MED10: variants seen among roughly 807,000 people sequenced by gnomAD.
MED10 encodes the protein mediator complex subunit 10.
In MED10, 9 loss-of-function variants were observed where a neutral mutation model predicts 17.2. That is an observed-to-expected ratio of 0.52 (90% CI 0.31 to 0.91). The LOEUF is 0.91. Ranked by LOEUF, MED10 falls within the 40% of genes least tolerant of loss-of-function variation. The probability of loss-of-function intolerance (pLI) is 0.04; values close to 1 mark genes in which losing one functional copy is unlikely to be tolerated. For synonymous variants in MED10, 66 were observed against 59.8 expected (o/e 1.10, Z -0.48); for missense variants, 129 against 164.8 (o/e 0.78, Z 1.19).
In MED10 at chr5:6,372,170, G is replaced by A. The variant is rs141192600; in HGVS notation, c.*333C>T. 166 of 238,046 alleles carry A rather than the reference G, an allele frequency of 7.0e-4. No individual in the cohort carries two copies. Among genetic ancestry groups the A allele is most frequent in the African/African-American group, 3.6e-3 (162 of 44,754 alleles). The allele number at this position is 238,046 out of a possible 1,614,324, so 14.7% of individuals were successfully genotyped here. A position where few individuals can be genotyped will look rare whatever the true frequency, so the allele number is the denominator to read the frequency against. On this transcript the variant is annotated 3_prime_UTR_variant, in exon 4 of 4. Coordinates refer to ENST00000255764, the MANE Select transcript of MED10 (RefSeq NM_032286.3). Reference sequence around the variant, plus strand: ...AAAGAAAAATATTAGGTAGAATGTTGTAAAACTTTTAATTTACCCATCATA... The same window carrying A: ...AAAGAAAAATATTAGGTAGAATGTTATAAAACTTTTAATTTACCCATCATA...
intron 1 of MED10, 101 bp downstream of exon 1, chr5:6,378,261 G>C (rs1443173149): frequency 1.4e-6 from 2 of 1,407,082 alleles, no homozygotes; most frequent in African/African-American, 1.4e-5. Flanking sequence ...GGCACGAGTA[G>C]CGGTCAGGCT....
chr5:6,375,884 C>T (rs1372751008), intron 2 of MED10, among the ~76,000 whole-genome samples: 1 of 152,238 alleles, frequency 6.6e-6, no homozygotes, highest in African/African-American at 2.4e-5. Context: ...CATCCATCCC[C>T]GTGCCCAGCA....
At chr5:6,377,886 C>T (rs1738033080) in intron 1 of MED10, among the ~76,000 whole-genome samples, 1 of 152,250 alleles carries the variant, frequency 6.6e-6, no homozygotes, top group African/African-American at 2.4e-5. Context: ...ACCACCTCCC[C>T]GCTATTTCCT....
intron 1 of MED10, among the ~76,000 whole-genome samples, chr5:6,377,860 T>C (rs10052685): frequency 0.26 from 38,939 of 152,172 alleles, 5,164 homozygotes; most frequent in East Asian, 0.38. Context: ...ATAAACGTTC[T>C]GCAACCTTTC....
intron 3 of MED10, among the ~76,000 whole-genome samples, chr5:6,373,865 T>A (rs79789708): frequency 0.024 from 3,715 of 152,276 alleles, 162 homozygotes; most frequent in African/African-American, 0.085. Context: ...AAAGAAAAAC[T>A]AAGTGATCTG....
rs1385215122 is a variant in MED10, at chr5:6,378,198, A to C, written c.122+164T>G. Among the ~76,000 whole-genome samples, 1 of 151,822 alleles carries C rather than the reference A, an allele frequency of 6.6e-6. No individual in the cohort carries two copies. The highest frequency in any genetic ancestry group is 2.1e-4 in the South Asian group (1 of 4,802). On this transcript the variant is annotated intron_variant, in intron 1 of 3. Transcript: ENST00000255764. ...CTGGAGCGCGGGCCCCGCCCTCTGA[A>C]CACAGCCAGGAAAGGCGCCCCGGGC... is the stretch of plus-strand genomic sequence containing the variant.
At chr5:6,374,813 G>A (rs934638931) in intron 2 of MED10, 1 of 178,806 alleles carries the variant, frequency 5.6e-6, no homozygotes, top group African/African-American at 2.4e-5. Context: ...AAAACTAAAT[G>A]AGATCCAGGG....
Position 6,378,544 on chromosome 5 carries a change from C to G in MED10, c.-61G>C. On this transcript the variant is annotated 5_prime_UTR_variant, in exon 1 of 4. Coordinates refer to ENST00000255764, the MANE Select transcript of MED10 (RefSeq NM_032286.3). The stretch of plus-strand genomic sequence containing the variant: ...CAGCAGCGCCGCAGGCGTGGCCCTA[C>G]GCTCCCGCTTCCTGCTTCCGTCCGG... 1 of 1,553,250 alleles carries G rather than the reference C, an allele frequency of 6.4e-7. No homozygotes were observed. Among genetic ancestry groups the G allele is most frequent in the South Asian group, 1.2e-5 (1 of 85,816 alleles).
intron 3 of MED10, among the ~76,000 whole-genome samples, chr5:6,372,828 T>C (rs1157563834): frequency 1.3e-5 from 2 of 152,182 alleles, no homozygotes; most frequent in Non-Finnish European, 2.9e-5. Context: ...AGCACAGTTC[T>C]GTACTGCCCA....
intron 2 of MED10, among the ~76,000 whole-genome samples, chr5:6,375,802 C>T (rs1737976513): frequency 6.6e-6 from 1 of 152,238 alleles, no homozygotes; most frequent in Non-Finnish European, 1.5e-5. Context: ...CACCGATTTG[C>T]AGATAAACTC....
Position 6,372,329 on chromosome 5 carries a change from C to T in MED10, c.*174G>A, listed in dbSNP as rs371901151. On this transcript the variant is annotated 3_prime_UTR_variant, in exon 4 of 4. Coordinates refer to ENST00000255764, the MANE Select transcript of MED10 (RefSeq NM_032286.3). ...TGCTGGAACAGCTGGGGCACAGCTC[C>T]GCCTCTCCTCCAGCCCCTCGGTCCC... 129 of 591,616 alleles carry T rather than the reference C, an allele frequency of 2.2e-4. No individual in the cohort carries two copies. The highest frequency in any genetic ancestry group is 1.8e-3 in the East Asian group (65 of 35,226). The allele number at this position is 591,616 out of a possible 1,614,324, so 36.6% of individuals were successfully genotyped here.
chr5:6,378,142 G>A (rs1464804528), intron 1 of MED10, among the ~76,000 whole-genome samples: 2 of 152,252 alleles, frequency 1.3e-5, no homozygotes, highest in African/African-American at 4.8e-5. Context: ...TCTCCAAAGG[G>A]GCCTCAAAGA....
intron 2 of MED10, chr5:6,376,685 G>C (rs1170514297): frequency 6.6e-6 from 1 of 152,310 alleles, no homozygotes; most frequent in African/African-American, 2.4e-5. Context: ...CGACAGAGCA[G>C]ATATTTTCAC....
chr5:6,377,301 A>C (rs763230362), intron 1 of MED10, 52 bp from the exon 2 acceptor site: 1 of 1,391,066 alleles, frequency 7.2e-7, no homozygotes, highest in South Asian at 1.2e-5. Flanking sequence ...TTGACAGCAT[A>C]AGCACCACCC....
At chr5:6,378,253 C>A (rs1240841277) in intron 1 of MED10, 109 bp downstream of exon 1, 4 of 1,395,458 alleles carry the variant, frequency 2.9e-6, no homozygotes, top group Non-Finnish European at 3.8e-6. Context: ...GCTGGCGGGG[C>A]ACGAGTAGCG....
At chr5:6,378,321 A>G in intron 1 of MED10, 41 bp downstream of exon 1, 1 of 1,540,528 alleles carries the variant, frequency 6.5e-7, no homozygotes. Flanking sequence ...CTTCCCGGCC[A>G]GGCCCTGGGG....
intron 2 of MED10, chr5:6,376,788 T>C (rs73041810): frequency 0.05 from 7,785 of 155,480 alleles, 669 homozygotes; most frequent in African/African-American, 0.18. Flanking sequence ...AAATTTACAA[T>C]ATAGCCCTCA....
chr5:6,373,795 T>C (rs1737938736), intron 3 of MED10, among the ~76,000 whole-genome samples: 1 of 152,186 alleles, frequency 6.6e-6, no homozygotes, highest in Non-Finnish European at 1.5e-5. Context: ...TGAGTCAATT[T>C]AAGAAAAAAT....
Position 6,372,395 on chromosome 5 carries a change from T to G in MED10, c.*108A>C. 1.1e-6 allele frequency: 1 copy of G among 892,982 alleles called. No homozygotes were observed. 55.3% of individuals were successfully genotyped at this position (892,982 alleles called of 1,614,324 possible). On this transcript the variant is annotated 3_prime_UTR_variant, in exon 4 of 4. Coordinates refer to ENST00000255764, the MANE Select transcript of MED10 (RefSeq NM_032286.3). ...GAGGACAGAGGGGCTGAGGGGTGTGTCCAGGGCCCAGTCCCACCTCAGCAG... is the reference window on the plus strand; with the variant it reads ...GAGGACAGAGGGGCTGAGGGGTGTGGCCAGGGCCCAGTCCCACCTCAGCAG...
Sources: allele counts gnomAD v4.1 joint callset (sites outside exome capture counted in the v4.1 genomes callset), GRCh38; gene constraint gnomAD v4.1.1; transcripts MANE v1.5; gene names NCBI Gene and HGNC (gene_info 2026-07-23, HGNC 2026-07-21).